Variants in MEGF10 observed in about 807,000 individuals in gnomAD.
MEGF10 encodes the protein multiple epidermal growth factor-like domains protein 10.
MEGF10 carries 86 observed loss-of-function variants against 147.5 expected under a neutral mutation model. That is an observed-to-expected ratio of 0.58 (90% CI 0.49 to 0.70). The LOEUF (loss-of-function observed/expected upper bound fraction) is 0.70, where lower values mean the gene tolerates loss of function less well. Among genes scored for constraint, MEGF10 ranks in the 30% least tolerant of loss-of-function variants. The pLI is 0.00. For missense variants in MEGF10, 1,329 were observed against 1,487.3 expected (o/e 0.89, Z 1.75); for synonymous variants, 478 against 525.5 (o/e 0.91, Z 1.24).
chr5:127,449,657 C>T (rs1766081681), intron 22 of MEGF10, among the ~76,000 whole-genome samples: 1 of 152,142 alleles, frequency 6.6e-6, no homozygotes, highest in South Asian at 2.1e-4. Context: ...GTCAGCTTGG[C>T]TCACAGCTGT....
intron 4 of MEGF10, among the ~76,000 whole-genome samples, chr5:127,353,444 T>A (rs771645976): frequency 6.6e-6 from 1 of 152,100 alleles, no homozygotes; most frequent in Non-Finnish European, 1.5e-5. Context: ...AAGAGCAGAG[T>A]GGGAAGTTGG....
chr5:127,263,958 G>A, the MEGF10 span, among the ~76,000 whole-genome samples: 905 of 152,178 alleles, frequency 5.9e-3, 11 homozygotes, highest in African/African-American at 0.021. Context: ...TAGACTGTGG[G>A]AAGAGCAACA....
At chr5:127,445,215 C>T in intron 19 of MEGF10, 1 of 508,822 alleles carries the variant, frequency 2.0e-6, no homozygotes, top group Admixed American at 3.4e-5. Context: ...TCCGGGCACG[C>T]ATCACTGTGC....
intron 24 of MEGF10, 91 bp from the exon 25 acceptor site, chr5:127,457,037 C>A (rs955186751): frequency 1.6e-6 from 2 of 1,282,506 alleles, no homozygotes; most frequent in South Asian, 1.7e-5. Context: ...TTAAAAGTCC[C>A]TTTGGTGTGT....
chr5:127,410,833 A>G (rs1457229408), intron 9 of MEGF10, among the ~76,000 whole-genome samples: 1 of 152,252 alleles, frequency 6.6e-6, no homozygotes, highest in Non-Finnish European at 1.5e-5. Context: ...AGCAAATTCT[A>G]TTCTCTATTA....
At position 127,455,723 on chromosome 5, in the gene MEGF10, G is replaced by GTATTTTATTT. The variant is rs58939267; in HGVS notation, c.3232+135_3232+144dup. On this transcript the variant is annotated intron_variant, in intron 24 of 24. Transcript: ENST00000503335. ...GAAATCTTATTGAAAATAATGGTCC[G>GTATTTTATTT]TATTTTATTTTATTTTATTTTATTT... 5,674 of 767,924 alleles carry GTATTTTATTT rather than the reference G, an allele frequency of 7.4e-3. 198 individuals are homozygous for GTATTTTATTT. In the African/African-American group the frequency reaches 0.076, roughly 10 times the overall value. 47.6% of individuals were successfully genotyped at this position (767,924 alleles called of 1,614,324 possible).
intron 5 of MEGF10, among the ~76,000 whole-genome samples, chr5:127,374,030 C>T (rs989408222): frequency 2.0e-5 from 3 of 152,190 alleles, no homozygotes; most frequent in Admixed American, 6.5e-5. Context: ...AAGGGGAAGT[C>T]ATTGGCTGAT....
chr5:127,405,549 T>G (rs948259669), intron 8 of MEGF10, among the ~76,000 whole-genome samples: 2 of 152,150 alleles, frequency 1.3e-5, no homozygotes, highest in Non-Finnish European at 2.9e-5. Context: ...TATCATATCA[T>G]CTACAAATAA....
chr5:127,449,013 C>T (rs1347940773), intron 21 of MEGF10, 86 bp from the exon 22 acceptor site: 2 of 1,543,734 alleles, frequency 1.3e-6, no homozygotes, highest in Admixed American at 1.8e-5. Context: ...TCAATATGTG[C>T]CCTGGACTTT....
At chr5:127,338,793 C>A (rs975820127) in intron 2 of MEGF10, among the ~76,000 whole-genome samples, 1 of 151,898 alleles carries the variant, frequency 6.6e-6, no homozygotes, top group Non-Finnish European at 1.5e-5. Flanking sequence ...ATGCTTTGAG[C>A]CCTGGGGTAA....
At chr5:127,455,643 T>A in intron 24 of MEGF10, 36 bp downstream of exon 24, 2 of 1,574,066 alleles carry the variant, frequency 1.3e-6, no homozygotes, top group Non-Finnish European at 1.7e-6. Flanking sequence ...ACCGAGTGCT[T>A]AAGTTTTTAA....
intron 22 of MEGF10, among the ~76,000 whole-genome samples, chr5:127,451,245 G>C (rs1766144188): frequency 6.6e-6 from 1 of 152,210 alleles, no homozygotes; most frequent in Admixed American, 6.5e-5. Context: ...TCTCCTGTAA[G>C]CAGTGTCAAG....
chr5:127,241,256 A>G, the MEGF10 span, among the ~76,000 whole-genome samples: 1 of 152,224 alleles, frequency 6.6e-6, no homozygotes, highest in Non-Finnish European at 1.5e-5. Context: ...ACTGCCACAT[A>G]TAACTGTGGA....
At chr5:127,248,327 A>G in the MEGF10 span, among the ~76,000 whole-genome samples, 1 of 152,132 alleles carries the variant, frequency 6.6e-6, no homozygotes, top group African/African-American at 2.4e-5. Context: ...TTTATGTGCA[A>G]TAGAAAATTA....
chr5:127,267,387 T>C, the MEGF10 span, among the ~76,000 whole-genome samples: 1 of 152,206 alleles, frequency 6.6e-6, no homozygotes, highest in Non-Finnish European at 1.5e-5. Flanking sequence ...AATTCTCTTT[T>C]TTTATTGTGT....
At chr5:127,391,330 C>T (rs548611348) in intron 5 of MEGF10, among the ~76,000 whole-genome samples, 2 of 151,984 alleles carry the variant, frequency 1.3e-5, no homozygotes, top group African/African-American at 2.4e-5. Flanking sequence ...AATACCAGCA[C>T]TTTGGGATGC....
intron 8 of MEGF10, among the ~76,000 whole-genome samples, chr5:127,403,998 GT>G (rs779144438): frequency 2.6e-5 from 4 of 152,084 alleles, no homozygotes; most frequent in Non-Finnish European, 5.9e-5. Context: ...TCAATTTTTA[GT>G]TTTTTGAGGA....
At chr5:127,252,703 C>G in the MEGF10 span, among the ~76,000 whole-genome samples, 5 of 151,828 alleles carry the variant, frequency 3.3e-5, no homozygotes, top group Admixed American at 3.3e-4. Context: ...CATTTTTAGT[C>G]TTTTCAATTA....
intron 1 of MEGF10, among the ~76,000 whole-genome samples, chr5:127,326,070 C>G (rs1761020346): frequency 6.6e-6 from 1 of 151,298 alleles, no homozygotes; most frequent in Non-Finnish European, 1.5e-5. Context: ...TGCATGCCAC[C>G]AAGCCTGGCT....
Sources: gnomAD v4.1 joint callset for allele counts (sites outside exome capture counted in the v4.1 genomes callset) on GRCh38, gnomAD v4.1.1 for gene constraint, MANE v1.5 for transcripts, NCBI Gene and HGNC (gene_info 2026-07-23, HGNC 2026-07-21) for gene names.